Variants in ZFAND6 observed in about 807,000 individuals in gnomAD.
The protein encoded by ZFAND6 is AN1-type zinc finger protein 6.
Under a neutral mutation model 24.5 loss-of-function variants are expected in ZFAND6, and 12 were observed. The observed-to-expected ratio is 0.49, with a 90% confidence interval of 0.31 to 0.79. The LOEUF (loss-of-function observed/expected upper bound fraction) is 0.79, where lower values mean the gene tolerates loss of function less well. ZFAND6 is among the 30% of genes least tolerant of loss of function. The pLI, the probability that ZFAND6 is intolerant of heterozygous loss-of-function variation, is 0.04. For synonymous variants in ZFAND6, 92 were observed against 81.5 expected (o/e 1.13, Z -0.69); for missense variants, 207 against 245.9 (o/e 0.84, Z 1.06).
At chr15:80,131,635 A>G (rs966828355) in intron 6 of ZFAND6, 5 of 316,158 alleles carry the variant, frequency 1.6e-5, no homozygotes, top group Non-Finnish European at 2.3e-5. Context: ...CTTTCTATAT[A>G]TAAAATAGGG....
intron 6 of ZFAND6, among the ~76,000 whole-genome samples, chr15:80,135,140 T>C (rs191216564): frequency 5.3e-5 from 8 of 152,328 alleles, no homozygotes; most frequent in South Asian, 4.1e-4. Flanking sequence ...ATGAAGACTT[T>C]TATGATGATC....
intron 2 of ZFAND6, among the ~76,000 whole-genome samples, chr15:80,117,512 G>A (rs1452513973): frequency 6.6e-6 from 1 of 152,174 alleles, no homozygotes; most frequent in African/African-American, 2.4e-5. Context: ...ATGAGCCACC[G>A]TGCCCAGCCT....
chr15:80,105,660 T>C (rs1196131931), intron 2 of ZFAND6, among the ~76,000 whole-genome samples: 1 of 152,212 alleles, frequency 6.6e-6, no homozygotes, highest in African/African-American at 2.4e-5. Context: ...AGCACTTATC[T>C]AAGTAGGAAG....
intron 1 of ZFAND6, among the ~76,000 whole-genome samples, chr15:80,087,953 G>A (rs1309941991): frequency 6.6e-6 from 1 of 152,090 alleles, no homozygotes; most frequent in Admixed American, 6.6e-5. Context: ...AATCATTTGA[G>A]CATAAGCTGG....
At chr15:80,070,571 G>A (rs1402475923) in intron 1 of ZFAND6, among the ~76,000 whole-genome samples, 1 of 152,114 alleles carries the variant, frequency 6.6e-6, no homozygotes, top group African/African-American at 2.4e-5. Context: ...CTTTCAAGCA[G>A]GTCCCAGAGA....
chr15:80,066,178 A>G (rs1487438191), intron 1 of ZFAND6, among the ~76,000 whole-genome samples: 1 of 152,296 alleles, frequency 6.6e-6, no homozygotes, highest in South Asian at 2.1e-4. Context: ...GATTTCGACA[A>G]GTGTCTAGGA....
At chr15:80,126,294 C>T (rs1047426312) in intron 5 of ZFAND6, among the ~76,000 whole-genome samples, 2 of 152,154 alleles carry the variant, frequency 1.3e-5, no homozygotes, top group African/African-American at 4.8e-5. Flanking sequence ...AAAAATCAGG[C>T]ATTTCTTCTG....
At chr15:80,099,777 C>T (rs946953838) in intron 2 of ZFAND6, among the ~76,000 whole-genome samples, 2 of 152,060 alleles carry the variant, frequency 1.3e-5, no homozygotes, top group African/African-American at 2.4e-5. Context: ...CCACCATGCC[C>T]GGCTAATTTT....
intron 1 of ZFAND6, among the ~76,000 whole-genome samples, chr15:80,083,155 C>A (rs1163179423): frequency 2.0e-5 from 3 of 152,078 alleles, no homozygotes; most frequent in South Asian, 2.1e-4. Context: ...CCACGCCTGG[C>A]TAATTTTTGT....
chr15:80,122,919 A>G (rs895770411), intron 5 of ZFAND6, 119 bp downstream of exon 5: 1 of 583,810 alleles, frequency 1.7e-6, no homozygotes, highest in African/African-American at 1.9e-5. Context: ...TTTCCCTATG[A>G]ACACAATACT....
chr15:80,122,846 G>A (rs746013771), intron 5 of ZFAND6, 46 bp downstream of exon 5: 1 of 1,481,490 alleles, frequency 6.7e-7, no homozygotes, highest in Admixed American at 1.7e-5. Flanking sequence ...AGTATTATAG[G>A]CCAGACACTA....
At chr15:80,096,089 C>G (rs1300717439) in intron 1 of ZFAND6, among the ~76,000 whole-genome samples, 1 of 152,176 alleles carries the variant, frequency 6.6e-6, no homozygotes, top group Non-Finnish European at 1.5e-5. Flanking sequence ...CTAGCTCTGC[C>G]ACTTAACTAG....
intron 1 of ZFAND6, among the ~76,000 whole-genome samples, chr15:80,077,039 A>T (rs1354211794): frequency 1.3e-5 from 2 of 152,262 alleles, no homozygotes; most frequent in Non-Finnish European, 2.9e-5. Context: ...CCTTATGCAC[A>T]TAGTTTTGAG....
chr15:80,100,927 T>C (rs908887255), intron 2 of ZFAND6, among the ~76,000 whole-genome samples: 2 of 152,142 alleles, frequency 1.3e-5, no homozygotes, highest in African/African-American at 4.8e-5. Flanking sequence ...ATCTGTAAAA[T>C]AGATACAGTA....
At chr15:80,088,473 G>C (rs760561175) in intron 1 of ZFAND6, among the ~76,000 whole-genome samples, 2 of 152,138 alleles carry the variant, frequency 1.3e-5, no homozygotes, top group Non-Finnish European at 2.9e-5. Flanking sequence ...GGCCGAAGCA[G>C]GAGAATTGCT....
chr15:80,109,079 G>A (rs1169077417), intron 2 of ZFAND6, among the ~76,000 whole-genome samples: 1 of 152,178 alleles, frequency 6.6e-6, no homozygotes, highest in African/African-American at 2.4e-5. Flanking sequence ...ACACCTTGCT[G>A]ACAGATCTAG....
intron 1 of ZFAND6, among the ~76,000 whole-genome samples, chr15:80,068,946 T>G (rs1198220368): frequency 6.6e-6 from 1 of 152,220 alleles, no homozygotes; most frequent in African/African-American, 2.4e-5. Flanking sequence ...ATGAATAAAC[T>G]AACTCTGTTA....
intron 1 of ZFAND6, among the ~76,000 whole-genome samples, chr15:80,073,671 T>A (rs916645253): frequency 7.9e-5 from 12 of 151,892 alleles, no homozygotes; most frequent in Non-Finnish European, 1.5e-5. Context: ...CACCAGCAGA[T>A]CATTGTTTGG....
chr15:80,085,702 A>G (rs1221989591), intron 1 of ZFAND6, among the ~76,000 whole-genome samples: 2 of 152,124 alleles, frequency 1.3e-5, no homozygotes, highest in Non-Finnish European at 2.9e-5. Context: ...AATGGGGATC[A>G]TATTGTACAT....
Sources: allele counts gnomAD v4.1 joint callset (sites outside exome capture counted in the v4.1 genomes callset), GRCh38; gene constraint gnomAD v4.1.1; transcripts MANE v1.5; gene names NCBI Gene and HGNC (gene_info 2026-07-23, HGNC 2026-07-21).